ATAD3B: variants seen among roughly 807,000 people sequenced by gnomAD.
ATAD3B encodes the protein ATPase family AAA domain-containing protein 3B.
A neutral mutation model predicts 70.2 loss-of-function variants in ATAD3B; 59 were observed. That is an observed-to-expected ratio of 0.84 (90% CI 0.68 to 1.04). The LOEUF (loss-of-function observed/expected upper bound fraction) is 1.04. Ranked by LOEUF, ATAD3B falls within the 50% of genes least tolerant of loss-of-function variation. The probability of loss-of-function intolerance (pLI) is 0.00; values close to 1 mark genes in which losing one functional copy is unlikely to be tolerated. For missense variants in ATAD3B, 961 were observed against 913.4 expected (o/e 1.05, Z -0.67); for synonymous variants, 423 against 388.6 (o/e 1.09, Z -1.04).
chr1:1,485,747 GT>G (rs1640174127), intron 8 of ATAD3B, 34 bp from the exon 9 acceptor site: 1 of 1,611,570 alleles, frequency 6.2e-7, no homozygotes, highest in African/African-American at 1.3e-5. Context: ...GCTGTGGCAG[GT>G]GACCCAATGG....
chr1:1,491,686 T>G (rs979052925), intron 15 of ATAD3B, among the ~76,000 whole-genome samples: 17 of 152,120 alleles, frequency 1.1e-4, no homozygotes, highest in African/African-American at 4.1e-4. Context: ...CGTATTTGAA[T>G]GAATGAGTGA....
At chr1:1,492,615 C>T (rs1020716105) in intron 15 of ATAD3B, among the ~76,000 whole-genome samples, 8 of 120,658 alleles carry the variant, frequency 6.6e-5, no homozygotes, top group African/African-American at 2.3e-4. Flanking sequence ...GCCAGTGTGC[C>T]GAGACCCCAC....
chr1:1,502,837 T>A (rs1329975397), downstream of ATAD3B, among the ~76,000 whole-genome samples: 2 of 151,630 alleles, frequency 1.3e-5, no homozygotes, highest in Non-Finnish European at 2.9e-5. Flanking sequence ...TAGCAAACTT[T>A]ACTTTTGTTG....
intron 9 of ATAD3B, 27 bp downstream of exon 9, chr1:1,485,865 A>G: frequency 6.2e-7 from 1 of 1,612,194 alleles, no homozygotes; most frequent in South Asian, 1.1e-5. Context: ...GGGACCGGGG[A>G]GGTGCAGGGA....
In ATAD3B at chr1:1,472,097, C is replaced by G. The variant is rs1233074826; in HGVS notation, c.205+8C>G. 4.5e-6 allele frequency: 4 copies of G among 879,912 alleles called. No individual in the cohort carries two copies. Among genetic ancestry groups the G allele is most frequent in the Non-Finnish European group, 4.2e-6 (3 of 714,024 alleles). 54.5% of individuals were successfully genotyped at this position (879,912 alleles called of 1,614,324 possible). ...GCGAGCTGGAGCACTCGCGTGAGTG[C>G]GGCGGGGCGGGGCGGGGCGGGCGGG... On this transcript the variant is annotated splice_region_variant and intron_variant, in intron 1 of 15. Coordinates refer to ENST00000673477, the MANE Select transcript of ATAD3B (RefSeq NM_031921.6).
chr1:1,485,737 G>T lies in ATAD3B; in HGVS notation c.907-45G>T, dbSNP rs768482832. ...TGTGTGCGTTGGTGGCTGTTCCGTGGCTGTGGCAGGTGACCCAATGGTGCT... is the reference window on the plus strand; with the variant it reads ...TGTGTGCGTTGGTGGCTGTTCCGTGTCTGTGGCAGGTGACCCAATGGTGCT... On this transcript the variant is annotated intron_variant, in intron 8 of 15. Transcript: ENST00000673477. 8 of 1,610,256 alleles carry T rather than the reference G, an allele frequency of 5.0e-6. 1 individual carries two copies. Among genetic ancestry groups the T allele is most frequent in the Non-Finnish European group, 2.5e-6 (3 of 1,178,320 alleles).
In ATAD3B at chr1:1,490,181, G is replaced by T. The variant is rs143158995; in HGVS notation, c.1338-76G>T. ...TCTCCCAAAAAGTCTCCCCGAGGGG[G>T]CTGAGGAGCCCCCGTTGCCCTCGGG... is the stretch of plus-strand genomic sequence containing the variant. On this transcript the variant is annotated intron_variant, in intron 13 of 15. Transcript: ENST00000673477. 1.9e-3 allele frequency: 3,017 copies of T among 1,566,692 alleles called. 52 individuals carry two copies. The African/African-American group carries it at 0.036, about 19-fold the overall frequency.
Position 1,495,400 on chromosome 1 carries a change from C to A in ATAD3B, c.1615-85C>A, listed in dbSNP as rs541157299. ...GGTTGTCCTGGTGCCCCTGGTTTGG[C>A]CCCTCCCCACCTCGGGGCCCTGGCG... On this transcript the variant is annotated intron_variant, in intron 15 of 15. Transcript: ENST00000673477. The A allele has an allele frequency of 6.3e-4, 945 of 1,506,896 alleles. 14 individuals are homozygous for A. The highest frequency in any genetic ancestry group is 4.4e-4 in the Non-Finnish European group (495 of 1,122,702). The allele number at this position is 1,506,896 out of a possible 1,614,324, so 93.3% of individuals were successfully genotyped here. A position where few individuals can be genotyped will look rare whatever the true frequency, so the allele number is the denominator to read the frequency against.
In ATAD3B at chr1:1,485,082, C is replaced by G. The variant is rs772056088; in HGVS notation, c.817C>G (p.Arg273Gly). 6.2e-7 allele frequency: 1 copy of G among 1,610,014 alleles called. No homozygotes were observed. Among genetic ancestry groups the G allele is most frequent in the African/African-American group, 1.3e-5 (1 of 74,960 alleles). ...SAKNATAVTG[R>G]FIEARLGKPS... ...CAAGAATGCGACAGCCGTCACTGGC[C>G]GCTTCATCGAGGCTCGGCTGGGGAA... Residue 273 changes from arginine (R) to glycine (G), a missense_variant, in exon 8 of 16, where the codon CGC becomes GGC. Physicochemically the swap from Arg to Gly is moderately radical, Grantham distance 125. This residue lies in a region of ATAD3B where 349 missense variants were observed against 307.5 expected (regional missense o/e 1.14). Transcript: ENST00000673477.
At chr1:1,476,969 G>A (rs1019882135) in intron 1 of ATAD3B, among the ~76,000 whole-genome samples, 5 of 151,966 alleles carry the variant, frequency 3.3e-5, no homozygotes, top group Admixed American at 3.3e-4. Flanking sequence ...ACCACACCCA[G>A]CTTTTTTTTG....
In ATAD3B at chr1:1,497,152, CG is replaced by C; in HGVS notation, c.*1337del. ...CGGAGCTGCAGTGCTTGGAGGGGGG[CG>C]GTCTACCTCTGCTCGCTCTCTCCAT... On this transcript the variant is annotated 3_prime_UTR_variant, in exon 16 of 16. Coordinates refer to ENST00000673477, the MANE Select transcript of ATAD3B (RefSeq NM_031921.6). The C allele has an allele frequency of 6.6e-6, 1 of 152,316 alleles. No homozygotes were observed. The highest frequency in any genetic ancestry group is 2.4e-5 in the African/African-American group (1 of 41,482). 9.4% of individuals were successfully genotyped at this position (152,316 alleles called of 1,614,324 possible). A position where few individuals can be genotyped will look rare whatever the true frequency, so the allele number is the denominator to read the frequency against.
intron 2 of ATAD3B, chr1:1,478,003 C>G (rs1247751270): frequency 1.3e-4 from 2 of 15,212 alleles, no homozygotes; most frequent in Admixed American, 1.3e-3. Flanking sequence ...CACGCCTGGC[C>G]TATTTTATTT....
chr1:1,480,358 G>A (rs1470896629), intron 4 of ATAD3B, among the ~76,000 whole-genome samples: 1 of 146,550 alleles, frequency 6.8e-6, no homozygotes, highest in African/African-American at 2.6e-5. Flanking sequence ...CGGGCGCCCA[G>A]CTGGCAGTCT....
chr1:1,484,243 C>T (rs1054390942), intron 7 of ATAD3B: 4 of 151,686 alleles, frequency 2.6e-5, no homozygotes, highest in Admixed American at 6.6e-5. Context: ...TGCAGTGGCG[C>T]GATCTCGACT....
chr1:1,501,605 G>GCTCCTGAA (rs1176723175), downstream of ATAD3B, among the ~76,000 whole-genome samples: 1 of 151,998 alleles, frequency 6.6e-6, no homozygotes, highest in Non-Finnish European at 1.5e-5. Flanking sequence ...TGACCAGGCT[G>GCTCCTGAA]CTCCTGAACT....
chr1:1,503,517 G>C, the ATAD3B span: 28 of 1,513,586 alleles, frequency 1.8e-5, no homozygotes, highest in African/African-American at 2.8e-5. Flanking sequence ...CCCCTTGGCT[G>C]GTGTGGTGCC....
At chr1:1,482,991 A>G (rs1361358352) in intron 7 of ATAD3B, 1 of 465,122 alleles carries the variant, frequency 2.1e-6, no homozygotes. Flanking sequence ...AGAGAATAAG[A>G]CCTTGTCTCA....
the ATAD3B span, chr1:1,503,495 G>A: frequency 3.0e-6 from 4 of 1,345,582 alleles, no homozygotes; most frequent in African/African-American, 5.8e-5. Flanking sequence ...CGTGGCCGTG[G>A]ATTCCAGAAA....
chr1:1,483,155 T>C (rs1195020304), intron 7 of ATAD3B: 1 of 398,800 alleles, frequency 2.5e-6, no homozygotes, highest in Non-Finnish European at 5.0e-6. Flanking sequence ...AGAAAAGAAT[T>C]AGCTGGGTGT....
Sources: allele counts gnomAD v4.1 joint callset (sites outside exome capture counted in the v4.1 genomes callset), GRCh38; gene constraint gnomAD v4.1.1; regional missense constraint gnomAD v4.1.1; transcripts MANE v1.5; gene names NCBI Gene and HGNC (gene_info 2026-07-23, HGNC 2026-07-21).